The following NAV3 variants were observed in gnomAD, a reference collection of about 807,000 sequenced individuals.
NAV3 encodes the protein pore membrane and/or filament interacting like protein 1.
In NAV3, 87 loss-of-function variants were observed where a neutral mutation model predicts 244.7. The ratio of observed to expected loss-of-function variants is 0.36; its 90% CI spans 0.30 to 0.42. The LOEUF is 0.42. Ranked by LOEUF, NAV3 falls within the 20% of genes least tolerant of loss-of-function variation. The pLI is 1.00. For missense variants in NAV3, 2,663 were observed against 2,893.3 expected, an observed-to-expected ratio of 0.92 and a Z score of 1.83; for synonymous variants, 1,126 against 1,042.2, an observed-to-expected ratio of 1.08 and a Z score of -1.55.
At chr12:77,745,454 T>C (rs970508526) in intron 2 of NAV3, among the ~76,000 whole-genome samples, 3 of 151,988 alleles carry the variant, frequency 2.0e-5, no homozygotes, top group African/African-American at 7.2e-5. Flanking sequence ...ATAAAACATA[T>C]TGCCTTAGAA....
chr12:77,871,233 G>A (rs1433936879), intron 1 of NAV3, among the ~76,000 whole-genome samples: 1 of 152,048 alleles, frequency 6.6e-6, no homozygotes, highest in Non-Finnish European at 1.5e-5. Context: ...CTCTAAGTCA[G>A]CATATAAGAA....
chr12:77,970,028 A>G (rs1487418541), intron 5 of NAV3, among the ~76,000 whole-genome samples: 3 of 152,206 alleles, frequency 2.0e-5, no homozygotes, highest in Non-Finnish European at 4.4e-5. Flanking sequence ...TACATATCAA[A>G]ATAAATGATC....
chr12:77,966,321 A>C lies in NAV3; in HGVS notation c.487+20A>C. 1 of 1,570,146 alleles carries C rather than the reference A, an allele frequency of 6.4e-7. No individual in the cohort carries two copies. On this transcript the variant is annotated intron_variant, in intron 4 of 39. Coordinates refer to ENST00000397909, the MANE Select transcript of NAV3 (RefSeq NM_001024383.2). ...CTGAAGGTAAGAAAAAGAATGACTG[A>C]ATTGTCACAAATGGCATCAATGTTT...
intron 18 of NAV3, among the ~76,000 whole-genome samples, chr12:78,129,208 G>T (rs1046629072): frequency 2.6e-5 from 4 of 152,026 alleles, no homozygotes; most frequent in Non-Finnish European, 5.9e-5. Flanking sequence ...TTAATCCCAG[G>T]GGCCTTTCCA....
At chr12:77,620,402 T>C (rs963671698) in intron 2 of NAV3, among the ~76,000 whole-genome samples, 16 of 152,200 alleles carry the variant, frequency 1.1e-4, no homozygotes, top group Non-Finnish European at 2.2e-4. Context: ...TTCATTCATG[T>C]AAAAACTCCT....
rs759919600 is a variant in NAV3 at position 77,998,348 on chromosome 12, C to T, written c.752C>T (p.Pro251Leu). The T allele has an allele frequency of 9.5e-6, 15 of 1,585,270 alleles. No homozygotes were observed. Among genetic ancestry groups the T allele is most frequent in the East Asian group, 6.9e-5 (3 of 43,568 alleles). The part of the protein sequence containing the change: ...SQKKPTRLPG[P>L]SRVPAAGSSS... ...TTATACTATTTCAGGCTTCCAGGGC[C>T]CTCTAGGGTGCCTGCTGCAGGAAGC... Residue 251 changes from proline (P) to leucine (L), a missense_variant, in exon 7 of 40, where the codon CCC (proline) becomes CTC (leucine). By Grantham distance (98) the Pro-to-Leu change is moderately conservative. Around this residue, in one of 6 missense-constraint regions of NAV3, gnomAD observed 1,521 missense variants for 1,497.0 expected, o/e 1.02. Transcript: ENST00000397909.
At chr12:78,086,251 T>G (rs1953632253) in intron 12 of NAV3, among the ~76,000 whole-genome samples, 1 of 152,086 alleles carries the variant, frequency 6.6e-6, no homozygotes. Context: ...AAATCTGCCT[T>G]TGTTTACATT....
At position 77,674,389 on chromosome 12, in the gene NAV3, CTT is replaced by C. The variant is rs375776245; in HGVS notation, c.72+102136_72+102137del. Among the ~76,000 whole-genome samples, 694 of 146,018 alleles carry C rather than the reference CTT, an allele frequency of 4.8e-3. 3 individuals are homozygous for C. Among genetic ancestry groups the C allele is most frequent in the African/African-American group, 0.016 (639 of 40,150 alleles). ...CAAATGGAGATATTTTCAAATTATA[CTT>C]TTTTTTTTTTTTGAGATAAGGTCTC... On this transcript the variant is annotated intron_variant, in intron 2 of 8. Transcript: ENST00000550042.
intron 2 of NAV3, among the ~76,000 whole-genome samples, chr12:77,648,393 G>C (rs958186094): frequency 6.6e-6 from 1 of 151,980 alleles, no homozygotes; most frequent in Non-Finnish European, 1.5e-5. Context: ...GGTGTTTTAT[G>C]TCAAAAATAT....
intron 3 of NAV3, among the ~76,000 whole-genome samples, chr12:77,941,907 A>G (rs1204130072): frequency 6.6e-6 from 1 of 152,238 alleles, no homozygotes; most frequent in African/African-American, 2.4e-5. Flanking sequence ...TTCAGCACAG[A>G]ATAGGCATTT....
chr12:78,206,063 T>C (rs1960269760), intron 39 of NAV3, among the ~76,000 whole-genome samples: 1 of 152,084 alleles, frequency 6.6e-6, no homozygotes, highest in Non-Finnish European at 1.5e-5. Flanking sequence ...TTTGGGAGTT[T>C]CTTGTGGAAA....
intron 2 of NAV3, 61 bp from the exon 3 acceptor site, chr12:77,941,020 A>T (rs147871494): frequency 9.4e-7 from 1 of 1,063,740 alleles, no homozygotes; most frequent in Non-Finnish European, 1.4e-6. Context: ...TGTGTGTTTC[A>T]CTTCATTGCT....
At chr12:77,849,894 G>A (rs914326940) in intron 1 of NAV3, among the ~76,000 whole-genome samples, 1 of 152,126 alleles carries the variant, frequency 6.6e-6, no homozygotes, top group African/African-American at 2.4e-5. Context: ...GTGGAAGAAA[G>A]AGTGGAGGAT....
chr12:78,210,434 T>C lies in NAV3; in HGVS notation c.7075T>C (p.Tyr2359His). 6.2e-7 allele frequency: 1 copy of C among 1,613,704 alleles called. No individual in the cohort carries two copies. Among genetic ancestry groups the C allele is most frequent in the South Asian group, 1.1e-5 (1 of 91,088 alleles). The change falls in exon 40 of 40, where the codon TAC (tyrosine) becomes CAC (histidine). Residue 2359 changes from tyrosine (Y) to histidine (H), a missense_variant. Transcript: ENST00000397909. ...AATGAAACTCCAAGAAGCAGCCAAT[T>C]ACTCGAGCACACAAAGCTGCGACAG... ...MLMKLQEAAN[Y>H]SSTQSCDSES...
intron 7 of NAV3, among the ~76,000 whole-genome samples, chr12:78,000,499 A>AT (rs1202996900): frequency 0.055 from 5,698 of 103,306 alleles, 329 homozygotes; most frequent in African/African-American, 0.12. Flanking sequence ...CACTTAAAAC[A>AT]TTTTTTTTTT....
chr12:77,711,270 G>A (rs1321914183), intron 2 of NAV3, among the ~76,000 whole-genome samples: 1 of 152,056 alleles, frequency 6.6e-6, no homozygotes, highest in Non-Finnish European at 1.5e-5. Context: ...TTGTTAATGT[G>A]GCCTAACCCC....
rs955740353 is a variant in NAV3 at position 78,199,046 on chromosome 12, G to A, written c.6519-289G>A. ...AATGTGAAGAGAGTTGCTATTTCAG[G>A]ATTTGTGATTCTCCTACAGAAGAGT... On this transcript the variant is annotated intron_variant, in intron 36 of 39. Coordinates refer to ENST00000397909, the MANE Select transcript of NAV3 (RefSeq NM_001024383.2). 3.2e-5 allele frequency: 18 copies of A among 564,086 alleles called. 1 individual carries two copies. The highest frequency in any genetic ancestry group is 2.0e-4 in the Admixed American group (9 of 44,634). The allele number at this position is 564,086 out of a possible 1,614,324, so 34.9% of individuals were successfully genotyped here.
At chr12:78,204,320 C>T (rs1420330526) in intron 38 of NAV3, among the ~76,000 whole-genome samples, 4 of 151,886 alleles carry the variant, frequency 2.6e-5, no homozygotes, top group Non-Finnish European at 5.9e-5. Flanking sequence ...CAATCCTGCA[C>T]GTTGTGCACA....
intron 3 of NAV3, among the ~76,000 whole-genome samples, chr12:77,951,853 G>A (rs1030339435): frequency 6.6e-6 from 1 of 152,040 alleles, no homozygotes; most frequent in Non-Finnish European, 1.5e-5. Flanking sequence ...CTCACTCACA[G>A]GTGGGAATTG....
Sources: allele counts gnomAD v4.1 joint callset (sites outside exome capture counted in the v4.1 genomes callset), GRCh38; gene constraint gnomAD v4.1.1; regional missense constraint gnomAD v4.1.1; transcripts MANE v1.5; gene names NCBI Gene and HGNC (gene_info 2026-07-23, HGNC 2026-07-21).